The following ARID4B variants were observed in gnomAD, a reference collection of about 807,000 sequenced individuals.
The protein encoded by ARID4B is AT-rich interactive domain-containing protein 4B.
Under a neutral mutation model 147.5 loss-of-function variants are expected in ARID4B, and 26 were observed. The observed-to-expected ratio is 0.18, with a 90% confidence interval of 0.13 to 0.24. The LOEUF (loss-of-function observed/expected upper bound fraction) is 0.24. Ranked by LOEUF, ARID4B falls within the 10% of genes least tolerant of loss-of-function variation. ARID4B has a pLI of 1.00. For missense variants in ARID4B, 1,179 were observed against 1,511.5 expected (o/e 0.78, Z 3.65); for synonymous variants, 512 against 507.9 (o/e 1.01, Z -0.11).
At chr1:235,203,599 AAT>A (rs1666096432) in intron 17 of ARID4B, among the ~76,000 whole-genome samples, 1 of 152,188 alleles carries the variant, frequency 6.6e-6, no homozygotes, top group African/African-American at 2.4e-5. Context: ...TTCTATAATG[AAT>A]AGATTCATTT....
intron 2 of ARID4B, among the ~76,000 whole-genome samples, chr1:235,273,182 C>T (rs1486975466): frequency 2.0e-5 from 3 of 152,088 alleles, no homozygotes; most frequent in Non-Finnish European, 2.9e-5. Context: ...GGACTACAGG[C>T]GTGCACCACC....
In ARID4B at chr1:235,182,359, T is replaced by C. The variant is rs116100727; in HGVS notation, c.2560A>G (p.Met854Val). ...GAAGAGCTGTTGCTACTGTTTTCCA[T>C]GCAAAGTGATTCTTTGTTCTTGGCC... The part of the protein sequence containing the change: ...EKAKNKESLC[M>V]ENSSNSSSDE... Residue 854 changes from methionine to valine, a missense_variant, in exon 20 of 24, where the codon ATG (methionine) becomes GTG (valine). By Grantham distance (21) the Met-to-Val change is conservative (BLOSUM62 1). This residue lies in a region of ARID4B where 321 missense variants were observed against 342.4 expected (regional missense o/e 0.94). Transcript: ENST00000264183. 123 of 1,612,608 alleles carry C rather than the reference T, an allele frequency of 7.6e-5. No individual in the cohort carries two copies. The African/African-American group carries it at 1.4e-3, about 18-fold the overall frequency.
chr1:235,168,485 A>C lies in ARID4B; in HGVS notation c.*40T>G. Reference sequence around the variant, plus strand: ...GCAGTATAAAAAAAAAGTGGCCCTCAACAGCCATTAAGTGCAAAGTGCTTT... The same window carrying C: ...GCAGTATAAAAAAAAAGTGGCCCTCCACAGCCATTAAGTGCAAAGTGCTTT... On this transcript the variant is annotated 3_prime_UTR_variant, in exon 24 of 24. Transcript: ENST00000264183. 1 of 1,604,488 alleles carries C rather than the reference A, an allele frequency of 6.2e-7. No homozygotes were observed. Among genetic ancestry groups the C allele is most frequent in the Non-Finnish European group, 8.5e-7 (1 of 1,173,916 alleles).
At chr1:235,326,593 T>C (rs1056386424) in intron 2 of ARID4B, among the ~76,000 whole-genome samples, 3 of 152,352 alleles carry the variant, frequency 2.0e-5, no homozygotes, top group Admixed American at 6.5e-5. Context: ...CAGTTCAGTT[T>C]CTAGGGTCAG....
At chr1:235,302,935 C>CTTT (rs71172294) in intron 2 of ARID4B, among the ~76,000 whole-genome samples, 6 of 149,854 alleles carry the variant, frequency 4.0e-5, no homozygotes, top group Admixed American at 6.6e-5. Flanking sequence ...TTCTTTTTTT[C>CTTT]TTTTTTTTGA....
At chr1:235,171,878 G>T (rs1173290110) in intron 23 of ARID4B, among the ~76,000 whole-genome samples, 1 of 152,080 alleles carries the variant, frequency 6.6e-6, no homozygotes, top group East Asian at 1.9e-4. Context: ...CTGACCTCAG[G>T]CAATCCACCC....
At chr1:235,261,669 G>A (rs1670305861) in intron 2 of ARID4B, among the ~76,000 whole-genome samples, 1 of 152,150 alleles carries the variant, frequency 6.6e-6, no homozygotes. Flanking sequence ...TTTAATAGGA[G>A]GGATTCGCTG....
In ARID4B at chr1:235,281,396, CA is replaced by C. The variant is rs559939429; in HGVS notation, c.7-20645del. Among the ~76,000 whole-genome samples the C allele has an allele frequency of 2.6e-3, 398 of 152,106 alleles. 3 individuals are homozygous for C. The highest frequency in any genetic ancestry group is 9.2e-3 in the African/African-American group (381 of 41,508). ...TGAAACCCTGTCTCTACTAAAAATG[CA>C]AAAATCAGCTGGGCGTGGTGGTGCA... On this transcript the variant is annotated intron_variant, in intron 2 of 23. Coordinates refer to ENST00000264183, the MANE Select transcript of ARID4B (RefSeq NM_016374.6).
At chr1:235,249,681 C>A (rs1448586706) in intron 6 of ARID4B, among the ~76,000 whole-genome samples, 1 of 152,018 alleles carries the variant, frequency 6.6e-6, no homozygotes, top group East Asian at 1.9e-4. Flanking sequence ...GTGGCTCACA[C>A]CTGTAATCCC....
chr1:235,267,249 G>A (rs553379746), intron 2 of ARID4B, among the ~76,000 whole-genome samples: 10 of 152,100 alleles, frequency 6.6e-5, no homozygotes, highest in Non-Finnish European at 1.2e-4. Flanking sequence ...CGGCACTCCA[G>A]CCGGGTTGAC....
rs180819677 is a variant in ARID4B, at chr1:235,242,733, A to G, written c.447-2282T>C. 1.2e-4 allele frequency among the ~76,000 whole-genome samples: 19 copies of G among 152,328 alleles called. No homozygotes were observed. In the South Asian group the frequency reaches 3.5e-3, roughly 28 times the overall value. ...GTGTTAAGACTTCAGATTTCACAGT[A>G]TATCAAAAAGAAAAACAAAACACCT... On this transcript the variant is annotated intron_variant, in intron 7 of 23. Coordinates refer to ENST00000264183, the MANE Select transcript of ARID4B (RefSeq NM_016374.6).
At chr1:235,225,179 A>G (rs1667749123) in intron 11 of ARID4B, among the ~76,000 whole-genome samples, 1 of 152,218 alleles carries the variant, frequency 6.6e-6, no homozygotes, top group African/African-American at 2.4e-5. Context: ...CATCAAAACT[A>G]ATTCTATTAT....
At chr1:235,202,444 A>T (rs971350789) in intron 17 of ARID4B, among the ~76,000 whole-genome samples, 7 of 151,530 alleles carry the variant, frequency 4.6e-5, no homozygotes, top group African/African-American at 1.7e-4. Context: ...GAGATCACTT[A>T]ACATTCAACT....
intron 2 of ARID4B, among the ~76,000 whole-genome samples, chr1:235,281,974 C>G (rs1454190275): frequency 6.6e-6 from 1 of 152,110 alleles, no homozygotes; most frequent in Non-Finnish European, 1.5e-5. Context: ...CTAAAACTTT[C>G]CTATTTTGGG....
rs1387504798 is a variant in ARID4B at position 235,173,769 on chromosome 1, A to T, written c.3665-1005T>A. On this transcript the variant is annotated intron_variant, in intron 22 of 23. Transcript: ENST00000264183. Reference sequence around the variant, plus strand: ...AAAAAAAAAAAAAAAAAAAAAAAAAAAAATATATATATATATATATATATA... The same window carrying T: ...AAAAAAAAAAAAAAAAAAAAAAAAATAAATATATATATATATATATATATA... 2.1e-3 allele frequency among the ~76,000 whole-genome samples: 78 copies of T among 38,034 alleles called. 1 individual carries two copies. The highest frequency in any genetic ancestry group is 3.2e-3 in the African/African-American group (20 of 6,280). The allele number at this position is 38,034 out of a possible 152,430, so 25.0% of individuals were successfully genotyped here.
chr1:235,231,928 G>A (rs1156658464), intron 9 of ARID4B, among the ~76,000 whole-genome samples: 9 of 152,130 alleles, frequency 5.9e-5, no homozygotes, highest in South Asian at 2.1e-4. Flanking sequence ...GTAATATAGC[G>A]AGACCCAGTC....
intron 3 of ARID4B, among the ~76,000 whole-genome samples, chr1:235,259,014 A>C (rs759422242): frequency 6.6e-6 from 1 of 152,230 alleles, no homozygotes; most frequent in South Asian, 2.1e-4. Flanking sequence ...TCTACTGACA[A>C]AATCACTGAA....
At chr1:235,209,376 CAG>C (rs1211873553) in intron 17 of ARID4B, among the ~76,000 whole-genome samples, 2 of 151,992 alleles carry the variant, frequency 1.3e-5, no homozygotes, top group Admixed American at 6.6e-5. Flanking sequence ...GAGGCTGAGA[CAG>C]GGGAATCTTT....
intron 3 of ARID4B, among the ~76,000 whole-genome samples, chr1:235,260,143 G>T (rs566564277): frequency 5.7e-4 from 87 of 152,320 alleles, no homozygotes; most frequent in Non-Finnish European, 1.1e-3. Context: ...GAAAGGCAGA[G>T]CATAAGGAGT....
Sources: gnomAD v4.1 joint callset for allele counts (sites outside exome capture counted in the v4.1 genomes callset) on GRCh38, gnomAD v4.1.1 for gene constraint, gnomAD v4.1.1 regional missense constraint, MANE v1.5 for transcripts, NCBI Gene and HGNC (gene_info 2026-07-23, HGNC 2026-07-21) for gene names.